The following LPAR1 variants were observed in gnomAD, a reference collection of about 807,000 sequenced individuals.
The protein encoded by LPAR1 is LPA receptor 1.
A neutral mutation model predicts 23.8 loss-of-function variants in LPAR1; 5 were observed. That is an observed-to-expected ratio of 0.21 (90% confidence interval 0.11 to 0.44). The LOEUF (loss-of-function observed/expected upper bound fraction) is 0.44, where lower values mean the gene tolerates loss of function less well. Among genes scored for constraint, LPAR1 ranks in the 20% least tolerant of loss-of-function variants. LPAR1 has a pLI of 0.99. For missense variants in LPAR1, 311 were observed against 482.8 expected (o/e 0.64, Z 3.33); for synonymous variants, 160 against 164.7 (o/e 0.97, Z 0.22).
chr9:111,015,271 T>C (rs1000789637), intron 2 of LPAR1, among the ~76,000 whole-genome samples: 1 of 152,176 alleles, frequency 6.6e-6, no homozygotes, highest in Non-Finnish European at 1.5e-5. Flanking sequence ...TACTCTCTCC[T>C]ACTTCGTCTC....
intron 2 of LPAR1, among the ~76,000 whole-genome samples, chr9:110,996,948 G>A (rs902323864): frequency 6.6e-6 from 1 of 152,158 alleles, no homozygotes; most frequent in Non-Finnish European, 1.5e-5. Flanking sequence ...CTCTCAGCTG[G>A]AATTCATAGC....
At chr9:110,932,544 G>A (rs1040479507) in intron 5 of LPAR1, among the ~76,000 whole-genome samples, 1 of 152,224 alleles carries the variant, frequency 6.6e-6, no homozygotes, top group African/African-American at 2.4e-5. Flanking sequence ...ACAGAATGGT[G>A]CCTTAGATCA....
rs768672615 is a variant in LPAR1 at position 111,029,635 on chromosome 9, T to C, written c.-182+6487A>G. ...CTCAGATATGCAGACAGCTCTTTGTTTGAAACTTGGTTTACCGTATTCATC... is the reference window on the plus strand; with the variant it reads ...CTCAGATATGCAGACAGCTCTTTGTCTGAAACTTGGTTTACCGTATTCATC... On this transcript the variant is annotated intron_variant, in intron 2 of 5. Coordinates refer to ENST00000683809, the MANE Select transcript of LPAR1 (RefSeq NM_001351411.2). 8.8e-4 allele frequency among the ~76,000 whole-genome samples: 134 copies of C among 152,264 alleles called. 1 individual carries two copies. Among genetic ancestry groups the C allele is most frequent in the South Asian group, 3.5e-3 (17 of 4,812 alleles).
At chr9:110,997,137 A>G (rs2097028186) in intron 2 of LPAR1, among the ~76,000 whole-genome samples, 1 of 152,196 alleles carries the variant, frequency 6.6e-6, no homozygotes, top group South Asian at 2.1e-4. Context: ...GTGTCTATGA[A>G]AGGAAGGATG....
At chr9:110,877,553 G>A (rs2079442431) in intron 5 of LPAR1, among the ~76,000 whole-genome samples, 1 of 152,182 alleles carries the variant, frequency 6.6e-6, no homozygotes, top group Non-Finnish European at 1.5e-5. Context: ...TTGGGTTTCA[G>A]AAATAATGCA....
chr9:111,033,038 G>T (rs1224761694), intron 2 of LPAR1, among the ~76,000 whole-genome samples: 1 of 152,204 alleles, frequency 6.6e-6, no homozygotes, highest in Non-Finnish European at 1.5e-5. Context: ...AAAGTTAAGG[G>T]TCTGCCCTGT....
chr9:110,914,594 T>C (rs547145327), intron 5 of LPAR1, among the ~76,000 whole-genome samples: 30 of 152,338 alleles, frequency 2.0e-4, no homozygotes, highest in Non-Finnish European at 1.3e-4. Flanking sequence ...CTTTAATAAA[T>C]GTGTTTCCAC....
chr9:110,888,835 T>C (rs2083189383), intron 5 of LPAR1, among the ~76,000 whole-genome samples: 1 of 152,090 alleles, frequency 6.6e-6, no homozygotes, highest in African/African-American at 2.4e-5. Flanking sequence ...GACTGGATAC[T>C]GGAGAGAATG....
chr9:111,009,312 G>A (rs548772997), intron 2 of LPAR1, among the ~76,000 whole-genome samples: 11 of 151,880 alleles, frequency 7.2e-5, no homozygotes, highest in Admixed American at 6.6e-4. Flanking sequence ...CACTACAAAC[G>A]AATTACACAG....
At chr9:111,032,748 T>C (rs1248804787) in intron 2 of LPAR1, among the ~76,000 whole-genome samples, 1 of 152,168 alleles carries the variant, frequency 6.6e-6, no homozygotes, top group Non-Finnish European at 1.5e-5. Flanking sequence ...TTAATGAATA[T>C]AGGGAAACTT....
At chr9:110,970,643 G>A (rs1242563751) in intron 4 of LPAR1, among the ~76,000 whole-genome samples, 1 of 151,844 alleles carries the variant, frequency 6.6e-6, no homozygotes, top group East Asian at 1.9e-4. Flanking sequence ...ACTATATGAG[G>A]GAAAAATGCC....
intron 5 of LPAR1, among the ~76,000 whole-genome samples, chr9:110,908,170 G>A (rs999120979): frequency 1.3e-5 from 2 of 150,918 alleles, no homozygotes; most frequent in South Asian, 4.2e-4. Context: ...TTTAAACTAG[G>A]AACTAAAGTA....
At chr9:110,968,354 G>C (rs571746719) in intron 4 of LPAR1, among the ~76,000 whole-genome samples, 26 of 151,910 alleles carry the variant, frequency 1.7e-4, no homozygotes, top group African/African-American at 6.0e-4. Context: ...GTGGCTCTAG[G>C]GACATCACTG....
chr9:110,883,312 A>G (rs2081376119), intron 5 of LPAR1, among the ~76,000 whole-genome samples: 1 of 152,240 alleles, frequency 6.6e-6, no homozygotes, highest in South Asian at 2.1e-4. Context: ...CTAAGAATAT[A>G]GCCATGAGCC....
At chr9:110,957,350 A>AAAT (rs1554710947) in intron 4 of LPAR1, among the ~76,000 whole-genome samples, 29 of 147,784 alleles carry the variant, frequency 2.0e-4, no homozygotes, top group Admixed American at 4.8e-4. Context: ...AAAAAAAAAA[A>AAAT]AATAATAATA....
intron 4 of LPAR1, among the ~76,000 whole-genome samples, chr9:110,969,990 A>G (rs963095529): frequency 1.3e-5 from 2 of 152,204 alleles, no homozygotes; most frequent in African/African-American, 4.8e-5. Context: ...GAGTGACTGT[A>G]CCAATTTACT....
At chr9:110,889,289 C>T (rs945817504) in intron 5 of LPAR1, among the ~76,000 whole-genome samples, 10 of 151,974 alleles carry the variant, frequency 6.6e-5, no homozygotes, top group South Asian at 2.1e-4. Context: ...AGCCGGGAGG[C>T]GGAGCTTGCA....
chr9:110,877,139 G>A (rs1417342675), intron 5 of LPAR1, among the ~76,000 whole-genome samples: 1 of 152,232 alleles, frequency 6.6e-6, no homozygotes, highest in Non-Finnish European at 1.5e-5. Context: ...ATTTGGTCCA[G>A]CCTCAAGGAA....
At chr9:111,019,713 C>T (rs1039857656) in intron 2 of LPAR1, among the ~76,000 whole-genome samples, 3 of 151,242 alleles carry the variant, frequency 2.0e-5, no homozygotes, top group Admixed American at 6.6e-5. Flanking sequence ...GGCTTGGTGG[C>T]GGGCACCTGT....
Sources: allele counts gnomAD v4.1 joint callset (sites outside exome capture counted in the v4.1 genomes callset), GRCh38; gene constraint gnomAD v4.1.1; transcripts MANE v1.5; gene names NCBI Gene and HGNC (gene_info 2026-07-23, HGNC 2026-07-21).